RASAL1: variants seen among roughly 807,000 people sequenced by gnomAD.
The protein encoded by RASAL1 is RAS protein activator like 1.
In RASAL1, 72 loss-of-function variants were observed where a neutral mutation model predicts 96.6. The ratio of observed to expected loss-of-function variants is 0.75; its 90% CI spans 0.62 to 0.91. The LOEUF (loss-of-function observed/expected upper bound fraction) is 0.91, where lower values mean the gene tolerates loss of function less well. Ranked by LOEUF, RASAL1 falls within the 40% of genes least tolerant of loss-of-function variation. The pLI, the probability that RASAL1 is intolerant of heterozygous loss-of-function variation, is 0.00. For synonymous variants in RASAL1, 405 were observed against 430.4 expected, an observed-to-expected ratio of 0.94 and a Z score of 0.73; for missense variants, 1,016 against 1,072.5, an observed-to-expected ratio of 0.95 and a Z score of 0.74.
Position 113,104,028 on chromosome 12 carries a change from G to T in RASAL1, c.2022C>A (p.Pro674=). 6.3e-7 allele frequency: 1 copy of T among 1,577,000 alleles called. No homozygotes were observed. The highest frequency in any genetic ancestry group is 8.6e-7 in the Non-Finnish European group (1 of 1,159,634). Reference sequence around the variant, plus strand: ...GGCAGGCGGCCAGCTTGTTCGGGTTGGGGGCGCTGGCCTTGCGCAAGGCCG... The same window carrying T: ...GGCAGGCGGCCAGCTTGTTCGGGTTTGGGGCGCTGGCCTTGCGCAAGGCCG... ...WLSALRKASA[P]NPNKLAACHP... is the part of the protein sequence containing the mutation. The change falls in exon 18 of 21, where the codon CCC becomes CCA. Residue 674 remains proline (P), a synonymous_variant. Transcript: ENST00000548055.
rs1592874965 is a variant in RASAL1 at position 113,102,018 on chromosome 12, A to G, written c.2105-9T>C. 6.2e-7 allele frequency: 1 copy of G among 1,611,080 alleles called. No homozygotes were observed. Among genetic ancestry groups the G allele is most frequent in the Non-Finnish European group, 8.5e-7 (1 of 1,178,454 alleles). ...ACGGCTGCAGCCGGCGGCTGAGGGA[A>G]CACAGCTTCATTCATCAGTAACTCC... On this transcript the variant is annotated splice_polypyrimidine_tract_variant and intron_variant, in intron 18 of 20. Coordinates refer to ENST00000548055, the MANE Select transcript of RASAL1 (RefSeq NM_001301202.2).
At chr12:113,121,676 C>G in intron 4 of RASAL1, 38 bp from the exon 5 acceptor site, 1 of 1,608,384 alleles carries the variant, frequency 6.2e-7, no homozygotes, top group Non-Finnish European at 8.5e-7. Context: ...GAAGCGCCTA[C>G]CATGTACTGG....
At position 113,115,106 on chromosome 12, in the gene RASAL1, G is replaced by T; in HGVS notation, c.1068+94C>A. ...CACTGCAGCTCGGCTGCTCAGTGCT[G>T]TCTGAAGCCAGCTAAGTGAGGGAGC... On this transcript the variant is annotated intron_variant, in intron 11 of 20. Transcript: ENST00000548055. The surrounding 1 kb of genome is among the most constrained non-coding windows in gnomAD (Gnocchi z 4.1). 7.3e-7 allele frequency: 1 copy of T among 1,377,730 alleles called. No individual in the cohort carries two copies. Among genetic ancestry groups the T allele is most frequent in the South Asian group, 1.2e-5 (1 of 84,864 alleles). 85.3% of individuals were successfully genotyped at this position (1,377,730 alleles called of 1,614,324 possible).
chr12:113,103,792 A>G, intron 18 of RASAL1, 154 bp downstream of exon 18: 1 of 973,342 alleles, frequency 1.0e-6, no homozygotes, highest in Non-Finnish European at 1.6e-6. Context: ...CGAGATAGGC[A>G]CTGTTATCAA....
intron 1 of RASAL1, among the ~76,000 whole-genome samples, chr12:113,133,649 C>T (rs1486211358): frequency 6.6e-6 from 1 of 152,154 alleles, no homozygotes; most frequent in Non-Finnish European, 1.5e-5. Context: ...AGGGAAAGAA[C>T]ACACCCCACC....
chr12:113,108,476 C>T (rs758494891), intron 13 of RASAL1, among the ~76,000 whole-genome samples: 22 of 152,196 alleles, frequency 1.4e-4, no homozygotes, highest in Non-Finnish European at 2.8e-4. Context: ...TTGTGCCAAG[C>T]ACTATGCCAA....
intron 16 of RASAL1, 28 bp downstream of exon 16, chr12:113,105,686 A>G: frequency 6.4e-7 from 1 of 1,557,116 alleles, no homozygotes; most frequent in Non-Finnish European, 8.7e-7. Flanking sequence ...ACCCCTGGAA[A>G]GCCCTCCATA....
At position 113,130,539 on chromosome 12, in the gene RASAL1, G is replaced by A. The variant is rs531388983; in HGVS notation, c.122+346C>T. Among the ~76,000 whole-genome samples, 6 of 152,138 alleles carry A rather than the reference G, an allele frequency of 3.9e-5. 1 individual carries two copies. The East Asian group carries it at 9.7e-4, about 25-fold the overall frequency. ...CAGACACACATGCACATGCCCACGC[G>A]CACAGACATCCCCAGTGCCCGCAGC... On this transcript the variant is annotated intron_variant, in intron 2 of 20. Transcript: ENST00000548055. This position sits in a 1 kb window ranked among gnomAD's most constrained non-coding sequence, Gnocchi z 5.1.
chr12:113,126,969 TTA>T (rs1313310438), intron 4 of RASAL1, among the ~76,000 whole-genome samples: 1 of 148,042 alleles, frequency 6.8e-6, no homozygotes, highest in Non-Finnish European at 1.5e-5. Flanking sequence ...TATAAATATG[TTA>T]TATGTTTATA....
rs1167282614 is a variant in RASAL1 at position 113,108,073 on chromosome 12, C to A, written c.1512+12G>T. On this transcript the variant is annotated intron_variant, in intron 14 of 20. Coordinates refer to ENST00000548055, the MANE Select transcript of RASAL1 (RefSeq NM_001301202.2). Reference sequence around the variant, plus strand: ...TAAAGTACCTAGGATGGGGGAAACCCATGGCTGGCACCTTGGCAAGCAACA... The same window carrying A: ...TAAAGTACCTAGGATGGGGGAAACCAATGGCTGGCACCTTGGCAAGCAACA... 6.2e-6 allele frequency: 10 copies of A among 1,606,390 alleles called. No homozygotes were observed. Among genetic ancestry groups the A allele is most frequent in the Non-Finnish European group, 8.5e-6 (10 of 1,176,752 alleles).
In RASAL1 at chr12:113,115,510, A is replaced by AC; in HGVS notation, c.1003+124dup. The AC allele has an allele frequency of 7.6e-7, 1 of 1,312,524 alleles. No individual in the cohort carries two copies. Among genetic ancestry groups the AC allele is most frequent in the Non-Finnish European group, 1.0e-6 (1 of 962,404 alleles). The allele number at this position is 1,312,524 out of a possible 1,614,324, so 81.3% of individuals were successfully genotyped here. On this transcript the variant is annotated intron_variant, in intron 10 of 20. Transcript: ENST00000548055. This position sits in a 1 kb window ranked among gnomAD's most constrained non-coding sequence, Gnocchi z 4.1. ...TCCCAACTGTCTGGAGGTGCACAGC[A>AC]CAGGGACCCACAGAAAAAGGAGCCC... is the stretch of plus-strand genomic sequence containing the variant.
At chr12:113,125,534 T>G (rs1214483164) in intron 4 of RASAL1, among the ~76,000 whole-genome samples, 1 of 152,222 alleles carries the variant, frequency 6.6e-6, no homozygotes, top group African/African-American at 2.4e-5. Context: ...AATAAACCTA[T>G]GCTGAGGCAA....
Position 113,130,891 on chromosome 12 carries a change from A to G in RASAL1, c.116T>C (p.Val39Ala). The G allele has an allele frequency of 6.2e-7, 1 of 1,613,280 alleles. No homozygotes were observed. The highest frequency in any genetic ancestry group is 8.5e-7 in the Non-Finnish European group (1 of 1,179,590). The change falls in exon 2 of 21, where the codon GTG becomes GCG. Residue 39 changes from valine (V) to alanine (A), a missense_variant. By Grantham distance (64) the Val-to-Ala change is moderately conservative. Coordinates refer to ENST00000548055, the MANE Select transcript of RASAL1 (RefSeq NM_001301202.2). This position sits in a 1 kb window ranked among gnomAD's most constrained non-coding sequence, Gnocchi z 5.1. ...CCGTGTCGCCACCCCTCACCTGGCC[A>G]CCACCTCGTCGTCCACTTTCACTAG... ...YCLVKVDDEVVARTATVWRSL... is the reference protein window; with the variant it reads ...YCLVKVDDEVAARTATVWRSL...
chr12:113,104,338 T>C, intron 16 of RASAL1, 40 bp from the exon 17 acceptor site: 1 of 1,527,788 alleles, frequency 6.5e-7, no homozygotes, highest in Non-Finnish European at 8.9e-7. Flanking sequence ...GGCTGGGGGC[T>C]AGGGCCGGGG....
chr12:113,103,293 A>G (rs1950525699), intron 18 of RASAL1, among the ~76,000 whole-genome samples: 1 of 151,238 alleles, frequency 6.6e-6, no homozygotes, highest in Non-Finnish European at 1.5e-5. Context: ...ATACATTGTT[A>G]ATAACAATGT....
intron 19 of RASAL1, 120 bp from the exon 20 acceptor site, chr12:113,100,800 C>A (rs769794911): frequency 2.7e-6 from 2 of 738,586 alleles, no homozygotes; most frequent in Non-Finnish European, 4.7e-6. Flanking sequence ...CTACCATCAT[C>A]ATCATCATCA....
At chr12:113,103,521 G>A (rs1354278777) in intron 18 of RASAL1, among the ~76,000 whole-genome samples, 1 of 151,760 alleles carries the variant, frequency 6.6e-6, no homozygotes, top group African/African-American at 2.4e-5. Context: ...CAGGAGAATC[G>A]CTTGAACCCG....
At chr12:113,112,736 A>G (rs1950916035) in intron 12 of RASAL1, among the ~76,000 whole-genome samples, 1 of 152,106 alleles carries the variant, frequency 6.6e-6, no homozygotes, top group Non-Finnish European at 1.5e-5. Flanking sequence ...AGGTCACTTG[A>G]GACCAGGAGT....
chr12:113,103,417 C>A (rs1950530390), intron 18 of RASAL1, among the ~76,000 whole-genome samples: 1 of 151,992 alleles, frequency 6.6e-6, no homozygotes, highest in Non-Finnish European at 1.5e-5. Context: ...ACCAGCCTGA[C>A]CAACATGGGG....
Sources: allele counts gnomAD v4.1 joint callset (sites outside exome capture counted in the v4.1 genomes callset), GRCh38; gene constraint gnomAD v4.1.1; non-coding constraint Gnocchi (gnomAD v3.1); transcripts MANE v1.5; gene names NCBI Gene and HGNC (gene_info 2026-07-23, HGNC 2026-07-21).